PCSK2: variants seen among roughly 807,000 people sequenced by gnomAD.
The protein encoded by PCSK2 is proprotein convertase subtilisin/kexin type 2.
PCSK2 carries 14 observed loss-of-function variants against 69.7 expected under a neutral mutation model. The observed-to-expected ratio is 0.20, with a 90% CI of 0.13 to 0.31. PCSK2 has a LOEUF of 0.31. Ranked by LOEUF, PCSK2 falls within the 10% of genes least tolerant of loss-of-function variation. The probability of loss-of-function intolerance (pLI) is 1.00; values close to 1 mark genes in which losing one functional copy is unlikely to be tolerated. For synonymous variants in PCSK2, 307 were observed against 320.7 expected (o/e 0.96, Z 0.46); for missense variants, 544 against 842.5 (o/e 0.65, Z 4.39).
At chr20:17,303,455 TTAAATATAA>T (rs1568593336) in intron 2 of PCSK2, among the ~76,000 whole-genome samples, 1,347 of 58,536 alleles carry the variant, frequency 0.023, 45 homozygotes, top group African/African-American at 0.071. Flanking sequence ...ATATATTATA[TTAAATATAA>T]TATATATTAT....
At chr20:17,423,197 G>C (rs1336734408) in intron 6 of PCSK2, among the ~76,000 whole-genome samples, 1 of 152,146 alleles carries the variant, frequency 6.6e-6, no homozygotes, top group African/African-American at 2.4e-5. Context: ...ATGTTTTAGG[G>C]AGACATAAGA....
At chr20:17,460,770 T>A (rs1248923521) in intron 10 of PCSK2, among the ~76,000 whole-genome samples, 1 of 152,236 alleles carries the variant, frequency 6.6e-6, no homozygotes, top group Non-Finnish European at 1.5e-5. Context: ...AGGTCAATAC[T>A]TAGGAAATAG....
At chr20:17,244,392 T>A (rs914198717) in intron 1 of PCSK2, among the ~76,000 whole-genome samples, 19 of 152,224 alleles carry the variant, frequency 1.2e-4, no homozygotes, top group Non-Finnish European at 7.3e-5. Context: ...CTGTCCCAGC[T>A]CTGCCACTAT....
chr20:17,298,698 A>G (rs1988977493), intron 2 of PCSK2, among the ~76,000 whole-genome samples: 1 of 151,940 alleles, frequency 6.6e-6, no homozygotes, highest in Admixed American at 6.6e-5. Context: ...ATTTTTAAGT[A>G]ATTTTTTTTT....
intron 2 of PCSK2, among the ~76,000 whole-genome samples, chr20:17,267,027 C>T (rs1447720571): frequency 6.6e-6 from 1 of 152,122 alleles, no homozygotes; most frequent in African/African-American, 2.4e-5. Context: ...ACATTTGATT[C>T]AAGAGGCATT....
At chr20:17,248,119 C>G (rs1198247177) in intron 1 of PCSK2, among the ~76,000 whole-genome samples, 1 of 151,692 alleles carries the variant, frequency 6.6e-6, no homozygotes, top group East Asian at 1.9e-4. Context: ...TTTTCTCCTT[C>G]CTTCTGGAAC....
intron 4 of PCSK2, among the ~76,000 whole-genome samples, chr20:17,366,480 T>C (rs1214287873): frequency 1.3e-5 from 2 of 152,214 alleles, no homozygotes; most frequent in African/African-American, 4.8e-5. Flanking sequence ...GGACCGACAC[T>C]GTGCCTGGCA....
chr20:17,356,457 G>A (rs1016810131), intron 2 of PCSK2, among the ~76,000 whole-genome samples: 1 of 152,164 alleles, frequency 6.6e-6, no homozygotes, highest in East Asian at 1.9e-4. Flanking sequence ...TCAGTGTGCA[G>A]AGTAAAGAAG....
chr20:17,348,103 G>T (rs1312157265), intron 2 of PCSK2, among the ~76,000 whole-genome samples: 1 of 143,090 alleles, frequency 7.0e-6, no homozygotes, highest in East Asian at 2.1e-4. Context: ...AAGAAAGAAA[G>T]AAAAGAAAAG....
chr20:17,325,051 G>A (rs943970553), intron 2 of PCSK2, among the ~76,000 whole-genome samples: 12 of 152,098 alleles, frequency 7.9e-5, no homozygotes, highest in African/African-American at 2.7e-4. Context: ...AGCCTTCCTC[G>A]TGGAAGATTT....
intron 4 of PCSK2, among the ~76,000 whole-genome samples, chr20:17,365,538 A>C (rs1044940594): frequency 1.6e-4 from 24 of 152,156 alleles, no homozygotes; most frequent in Admixed American, 1.1e-3. Flanking sequence ...TCCAGCACCA[A>C]CATCAAAGTC....
intron 2 of PCSK2, among the ~76,000 whole-genome samples, chr20:17,290,563 C>T (rs1292467469): frequency 2.6e-5 from 4 of 152,122 alleles, no homozygotes; most frequent in African/African-American, 7.2e-5. Context: ...TACTCCTAGA[C>T]GTTAAATAAC....
chr20:17,427,555 T>A (rs2032274134), intron 6 of PCSK2, among the ~76,000 whole-genome samples: 1 of 152,224 alleles, frequency 6.6e-6, no homozygotes, highest in Non-Finnish European at 1.5e-5. Flanking sequence ...TCATTCATTG[T>A]GTCAGTAATC....
chr20:17,433,638 A>G (rs998872354), intron 7 of PCSK2, among the ~76,000 whole-genome samples: 6 of 152,204 alleles, frequency 3.9e-5, no homozygotes, highest in African/African-American at 1.4e-4. Context: ...AGACCCACAG[A>G]GTCACCTCTA....
chr20:17,373,736 AGGAAACAGCATATGC>A (rs2030844252), intron 5 of PCSK2, among the ~76,000 whole-genome samples: 1 of 152,254 alleles, frequency 6.6e-6, no homozygotes, highest in African/African-American at 2.4e-5. Flanking sequence ...ATATTAAGAG[AGGAAACAGCATATGC>A]TGGTAGTCCA....
chr20:17,359,039 T>C (rs1013749682), intron 3 of PCSK2, among the ~76,000 whole-genome samples: 2 of 152,224 alleles, frequency 1.3e-5, no homozygotes, highest in Non-Finnish European at 2.9e-5. Context: ...ATGATCCATT[T>C]GGATTGGCCA....
At chr20:17,228,941 G>A (rs1017630195) in intron 1 of PCSK2, among the ~76,000 whole-genome samples, 2 of 152,144 alleles carry the variant, frequency 1.3e-5, no homozygotes, top group African/African-American at 4.8e-5. Flanking sequence ...GCCGGCGGAG[G>A]GAGCACCCCG....
At chr20:17,261,495 A>G (rs1987383517) in intron 2 of PCSK2, among the ~76,000 whole-genome samples, 2 of 152,194 alleles carry the variant, frequency 1.3e-5, no homozygotes, top group African/African-American at 4.8e-5. Context: ...CACCTTCTCT[A>G]AAGAGGAATT....
chr20:17,428,290 A>G (rs1398990565), intron 6 of PCSK2, among the ~76,000 whole-genome samples: 1 of 152,210 alleles, frequency 6.6e-6, no homozygotes, highest in Non-Finnish European at 1.5e-5. Flanking sequence ...CACTGGGTTT[A>G]CATATCTGGG....
Sources: gnomAD v4.1 joint callset for allele counts (sites outside exome capture counted in the v4.1 genomes callset) on GRCh38, gnomAD v4.1.1 for gene constraint, MANE v1.5 for transcripts, NCBI Gene and HGNC (gene_info 2026-07-23, HGNC 2026-07-21) for gene names.